The following F8 variants were observed in gnomAD, a reference collection of about 807,000 sequenced individuals.
F8 encodes the protein antihemophilic factor.
Under a neutral mutation model 140.6 loss-of-function variants are expected in F8, and 12 were observed. The observed-to-expected ratio is 0.09, with a 90% CI of 0.05 to 0.14. The LOEUF (loss-of-function observed/expected upper bound fraction) is 0.14, where lower values mean the gene tolerates loss of function less well. Among genes scored for constraint, F8 ranks in the 10% least tolerant of loss-of-function variants. The pLI, the probability that F8 is intolerant of heterozygous loss-of-function variation, is 1.00. For missense variants in F8, 1,354 were observed against 1,720.7 expected (o/e 0.79, Z 3.77); for synonymous variants, 585 against 614.6 (o/e 0.95, Z 0.71).
intron 14 of F8, among the ~76,000 whole-genome samples, chrX:154,918,372 C>T (rs1168363803): frequency 9.0e-6 from 1 of 111,225 alleles, no homozygotes; most frequent in Non-Finnish European, 1.9e-5. Flanking sequence ...CCGCCTCCAT[C>T]CTTTGTCTCT....
At chrX:154,858,943 T>C (rs2072669057) in intron 25 of F8, among the ~76,000 whole-genome samples, 1 of 112,248 alleles carries the variant, frequency 8.9e-6, no homozygotes, top group Non-Finnish European at 1.9e-5. Flanking sequence ...TCTGTGAAGG[T>C]GTTTTTGAAT....
At chrX:154,942,643 G>C (rs1442075447) in intron 13 of F8, among the ~76,000 whole-genome samples, 3 of 111,586 alleles carry the variant, frequency 2.7e-5, no homozygotes, top group Non-Finnish European at 5.6e-5. Flanking sequence ...TAGAAAAAGA[G>C]GGAATCCTCC....
At chrX:154,941,152 T>C (rs1419874923) in intron 13 of F8, among the ~76,000 whole-genome samples, 1 of 111,641 alleles carries the variant, frequency 9.0e-6, no homozygotes, top group Non-Finnish European at 1.9e-5. Flanking sequence ...CAAGATCAAA[T>C]TCACACATAA....
intron 21 of F8, among the ~76,000 whole-genome samples, chrX:154,896,506 T>TACACAC (rs57253105): frequency 2.5e-4 from 25 of 99,002 alleles, no homozygotes; most frequent in South Asian, 4.7e-4. Flanking sequence ...CCCCATTTCG[T>TACACAC]ACACACACAC....
chrX:154,876,821 G>A (rs1439731668), intron 22 of F8, among the ~76,000 whole-genome samples: 1 of 111,236 alleles, frequency 9.0e-6, no homozygotes, highest in African/African-American at 3.3e-5. Flanking sequence ...TACCTCCTGC[G>A]TAAGTGGGTA....
In F8 at chrX:154,996,677, G is replaced by T. The variant is rs941956209; in HGVS notation, c.388+296C>A. Among the ~76,000 whole-genome samples, 93 of 111,215 alleles carry T rather than the reference G, an allele frequency of 8.4e-4. 2 individuals are homozygous for T. Among genetic ancestry groups the T allele is most frequent in the Non-Finnish European group, 3.0e-4 (16 of 52,990 alleles). On this transcript the variant is annotated intron_variant, in intron 3 of 25. Coordinates refer to ENST00000360256, the MANE Select transcript of F8 (RefSeq NM_000132.4). ...TATTCAGAAAAGCAATTCCTAGGGGGTATACAGGTGAGAAATGTTTAATTT... is the reference window on the plus strand; with the variant it reads ...TATTCAGAAAAGCAATTCCTAGGGGTTATACAGGTGAGAAATGTTTAATTT...
chrX:154,979,237 C>T (rs1557283289), intron 6 of F8, among the ~76,000 whole-genome samples: 1 of 111,645 alleles, frequency 9.0e-6, no homozygotes, highest in Non-Finnish European at 1.9e-5. Flanking sequence ...GATCGCATGG[C>T]CAGTCTCCAG....
intron 22 of F8, among the ~76,000 whole-genome samples, chrX:154,877,236 A>G (rs1557274090): frequency 8.9e-6 from 1 of 111,929 alleles, no homozygotes; most frequent in African/African-American, 3.3e-5. Flanking sequence ...AAGGTTGCAG[A>G]TGGAATTAAG....
At chrX:154,990,966 A>G (rs1184462103) in intron 4 of F8, among the ~76,000 whole-genome samples, 2 of 111,950 alleles carry the variant, frequency 1.8e-5, no homozygotes, top group East Asian at 2.8e-4. Context: ...GAAGCTTCCA[A>G]TTTCCACAAC....
At chrX:155,013,236 C>T (rs2073717961) in intron 1 of F8, among the ~76,000 whole-genome samples, 1 of 110,452 alleles carries the variant, frequency 9.1e-6, no homozygotes, top group Admixed American at 9.6e-5. Context: ...ATTGTAGCTC[C>T]CACAATCCCC....
intron 25 of F8, among the ~76,000 whole-genome samples, chrX:154,859,787 C>T (rs73563609): frequency 0.012 from 1,356 of 111,163 alleles, 22 homozygotes; most frequent in African/African-American, 0.042. Context: ...ATGATGTTTA[C>T]CTGAGACTTA....
At chrX:154,901,595 C>T (rs782560461) in intron 19 of F8, among the ~76,000 whole-genome samples, 153 bp from the exon 20 acceptor site, 1 of 112,100 alleles carries the variant, frequency 8.9e-6, no homozygotes, top group Non-Finnish European at 1.9e-5. Context: ...TGTATTAGTT[C>T]ATTTAATTAA....
At chrX:154,963,554 T>C (rs990766084) in intron 9 of F8, among the ~76,000 whole-genome samples, 2 of 112,037 alleles carry the variant, frequency 1.8e-5, no homozygotes, top group Non-Finnish European at 3.8e-5. Context: ...TATATTCCTT[T>C]GGGTATATAC....
chrX:154,988,596 G>C (rs1384121327), intron 4 of F8, among the ~76,000 whole-genome samples: 1 of 112,049 alleles, frequency 8.9e-6, no homozygotes, highest in African/African-American at 3.2e-5. Context: ...GGTTGATTAA[G>C]CAAAGGATGT....
intron 7 of F8, among the ~76,000 whole-genome samples, chrX:154,968,747 T>G (rs1214297783): frequency 9.0e-6 from 1 of 111,487 alleles, no homozygotes. Context: ...GCTCCTGACC[T>G]GCCCTCAGTT....
chrX:154,954,793 G>A (rs894832844), intron 11 of F8, among the ~76,000 whole-genome samples: 4 of 111,793 alleles, frequency 3.6e-5, no homozygotes, highest in East Asian at 2.8e-4. Context: ...CAAAAGTGAC[G>A]AAAAAACTAT....
chrX:154,996,393 T>C (rs368676009), intron 3 of F8, among the ~76,000 whole-genome samples: 3 of 112,508 alleles, frequency 2.7e-5, no homozygotes, highest in Non-Finnish European at 3.8e-5. Context: ...CATGAAGTAG[T>C]AGAATCTTGA....
chrX:154,899,216 T>C (rs2072997722), intron 21 of F8, among the ~76,000 whole-genome samples: 1 of 112,047 alleles, frequency 8.9e-6, no homozygotes, highest in African/African-American at 3.2e-5. Flanking sequence ...TTTGCAAAGA[T>C]GGAAACCAAA....
At chrX:154,949,301 G>C (rs2073324487) in intron 12 of F8, among the ~76,000 whole-genome samples, 1 of 111,638 alleles carries the variant, frequency 9.0e-6, no homozygotes, top group African/African-American at 3.3e-5. Context: ...TCCATCAATT[G>C]CAGGCGACTA....
Sources: allele counts gnomAD v4.1 joint callset (sites outside exome capture counted in the v4.1 genomes callset), GRCh38; gene constraint gnomAD v4.1.1; transcripts MANE v1.5; gene names NCBI Gene and HGNC (gene_info 2026-07-23, HGNC 2026-07-21).